Variants in CSMD1 observed in about 807,000 individuals in gnomAD.
CSMD1 encodes the protein CUB and Sushi multiple domains 1.
Under a neutral mutation model 417.5 loss-of-function variants are expected in CSMD1, and 213 were observed. That is an observed-to-expected ratio of 0.51 (90% CI 0.46 to 0.57). The LOEUF is 0.57. CSMD1 is among the 20% of genes least tolerant of loss of function. The pLI is 0.00. For synonymous variants in CSMD1, 2,862 were observed against 1,736.8 expected (o/e 1.65, Z -16.11); for missense variants, 6,923 against 4,529.7 (o/e 1.53, Z -15.17).
intron 3 of CSMD1, among the ~76,000 whole-genome samples, chr8:4,069,678 T>C (rs1479378180): frequency 1.3e-5 from 2 of 152,132 alleles, no homozygotes; most frequent in South Asian, 2.1e-4. Context: ...TCCGACTGGA[T>C]TGCATTCTCA....
intron 5 of CSMD1, among the ~76,000 whole-genome samples, chr8:3,802,267 T>C (rs115078811): frequency 1.1e-3 from 175 of 152,300 alleles, no homozygotes; most frequent in African/African-American, 3.3e-3. Flanking sequence ...AACATCTACA[T>C]GGATGAGATT....
chr8:3,351,340 G>T (rs548683653), intron 21 of CSMD1, among the ~76,000 whole-genome samples: 1 of 151,978 alleles, frequency 6.6e-6, no homozygotes, highest in African/African-American at 2.4e-5. Context: ...GCCAGGCGTG[G>T]TGACCCATGC....
intron 1 of CSMD1, among the ~76,000 whole-genome samples, chr8:4,745,985 A>T (rs996942224): frequency 1.6e-4 from 25 of 152,352 alleles, no homozygotes; most frequent in East Asian, 7.7e-4. Context: ...GCTAAGAATC[A>T]AGATATGGTT....
rs150064665 is a variant in CSMD1 at position 4,814,511 on chromosome 8, C to T, written c.86-176953G>A. Among the ~76,000 whole-genome samples, 708 of 152,178 alleles carry T rather than the reference C, an allele frequency of 4.7e-3. 7 individuals are homozygous for T. Among genetic ancestry groups the T allele is most frequent in the African/African-American group, 0.016 (657 of 41,528 alleles). On this transcript the variant is annotated intron_variant, in intron 1 of 69. Transcript: ENST00000635120. ...ATCCACCCACCTCGGCCTCCCAAAGCGCTGGGATTACAGGTATGAGGTAAT... is the reference window on the plus strand; with the variant it reads ...ATCCACCCACCTCGGCCTCCCAAAGTGCTGGGATTACAGGTATGAGGTAAT...
At chr8:3,008,752 C>G (rs1257850093) in intron 52 of CSMD1, among the ~76,000 whole-genome samples, 1 of 152,200 alleles carries the variant, frequency 6.6e-6, no homozygotes, top group Non-Finnish European at 1.5e-5. Flanking sequence ...GCAACACTTG[C>G]TTTTGCTACT....
chr8:4,742,873 T>A (rs781098155), intron 1 of CSMD1, among the ~76,000 whole-genome samples: 1 of 152,184 alleles, frequency 6.6e-6, no homozygotes, highest in Non-Finnish European at 1.5e-5. Context: ...AATGGTCTGT[T>A]TATAAGAGAC....
chr8:4,659,310 A>T (rs1804437214), intron 1 of CSMD1, among the ~76,000 whole-genome samples: 1 of 152,320 alleles, frequency 6.6e-6, no homozygotes, highest in Non-Finnish European at 1.5e-5. Flanking sequence ...AAGGAATTAG[A>T]GAAAGGAGAT....
intron 19 of CSMD1, among the ~76,000 whole-genome samples, chr8:3,368,329 A>G (rs1259307901): frequency 1.3e-5 from 2 of 152,066 alleles, no homozygotes; most frequent in Non-Finnish European, 2.9e-5. Context: ...GAAATTCCAA[A>G]TAGACTCTTG....
intron 23 of CSMD1, among the ~76,000 whole-genome samples, chr8:3,338,779 C>A (rs73503771): frequency 0.011 from 1,611 of 151,114 alleles, 21 homozygotes; most frequent in African/African-American, 0.036. Context: ...GCAGCTCTAT[C>A]ATGCAGATCC....
At chr8:4,786,585 G>A (rs186585509) in intron 1 of CSMD1, among the ~76,000 whole-genome samples, 3 of 152,270 alleles carry the variant, frequency 2.0e-5, no homozygotes, top group Admixed American at 1.3e-4. Context: ...CAGCAGTGTG[G>A]CATTTGAGGC....
intron 1 of CSMD1, among the ~76,000 whole-genome samples, chr8:4,653,166 T>G (rs974727621): frequency 6.6e-6 from 1 of 152,006 alleles, no homozygotes; most frequent in Non-Finnish European, 1.5e-5. Flanking sequence ...GACTCTTAGG[T>G]GTTGAGTGAT....
intron 6 of CSMD1, among the ~76,000 whole-genome samples, chr8:3,718,908 C>T (rs779422199): frequency 3.3e-5 from 5 of 151,944 alleles, no homozygotes; most frequent in South Asian, 2.1e-4. Context: ...TTTACACCAC[C>T]GGAGCCAATT....
At chr8:3,604,423 CTT>C in intron 8 of CSMD1, among the ~76,000 whole-genome samples, 1 of 152,182 alleles carries the variant, frequency 6.6e-6, no homozygotes, top group Non-Finnish European at 1.5e-5. Flanking sequence ...TAACACATCT[CTT>C]AGCATTGCTG....
chr8:3,160,079 G>A (rs1222406587), intron 38 of CSMD1, among the ~76,000 whole-genome samples: 4 of 152,162 alleles, frequency 2.6e-5, no homozygotes, highest in Admixed American at 1.3e-4. Flanking sequence ...TACAGATTGA[G>A]GTGTCCCTCT....
intron 3 of CSMD1, among the ~76,000 whole-genome samples, chr8:4,291,313 G>C (rs979634577): frequency 5.3e-5 from 8 of 151,920 alleles, no homozygotes; most frequent in Non-Finnish European, 1.0e-4. Context: ...AAAAGCTAGG[G>C]ATAATGATCA....
chr8:3,506,404 T>C (rs537954751), intron 10 of CSMD1, among the ~76,000 whole-genome samples: 10 of 152,278 alleles, frequency 6.6e-5, no homozygotes, highest in African/African-American at 2.4e-4. Flanking sequence ...TTTTTACACA[T>C]GTGTAGAGAG....
intron 3 of CSMD1, among the ~76,000 whole-genome samples, chr8:4,066,615 C>T (rs941838285): frequency 6.6e-5 from 10 of 152,098 alleles, no homozygotes; most frequent in African/African-American, 2.4e-4. Context: ...GGAAATGTAC[C>T]ACATTACTAA....
At chr8:3,963,556 C>T (rs1320741720) in intron 5 of CSMD1, among the ~76,000 whole-genome samples, 5 of 151,876 alleles carry the variant, frequency 3.3e-5, no homozygotes, top group Non-Finnish European at 7.4e-5. Context: ...ATTCGTATTT[C>T]AATTTAAAAA....
intron 2 of CSMD1, among the ~76,000 whole-genome samples, chr8:4,471,431 C>G (rs1447829570): frequency 6.6e-6 from 1 of 152,048 alleles, no homozygotes; most frequent in Non-Finnish European, 1.5e-5. Flanking sequence ...AAGTGCAGCA[C>G]GTAGCTGTCA....
Sources: allele counts gnomAD v4.1 joint callset (sites outside exome capture counted in the v4.1 genomes callset), GRCh38; gene constraint gnomAD v4.1.1; transcripts MANE v1.5; gene names NCBI Gene and HGNC (gene_info 2026-07-23, HGNC 2026-07-21).